The following OSBP2 variants were observed in gnomAD, a reference collection of about 807,000 sequenced individuals.
OSBP2 encodes the protein oxysterol-binding protein 2.
Under a neutral mutation model 96.0 loss-of-function variants are expected in OSBP2, and 66 were observed. The observed-to-expected ratio is 0.69, with a 90% CI of 0.56 to 0.84. The LOEUF is 0.84. Among genes scored for constraint, OSBP2 ranks in the 40% least tolerant of loss-of-function variants. The pLI is 0.00. For missense variants in OSBP2, 1,038 were observed against 1,222.7 expected (o/e 0.85, Z 2.25); for synonymous variants, 525 against 520.9 (o/e 1.01, Z -0.11).
intron 12 of OSBP2, among the ~76,000 whole-genome samples, chr22:30,899,961 T>C (rs937559570): frequency 6.6e-6 from 1 of 152,194 alleles, no homozygotes; most frequent in Non-Finnish European, 1.5e-5. Flanking sequence ...AAATGCAATT[T>C]AAGATAAGAC....
In OSBP2 at chr22:30,871,143, G is replaced by T. The variant is rs928133924; in HGVS notation, c.1107+461G>T. On this transcript the variant is annotated intron_variant, in intron 3 of 13. Transcript: ENST00000332585. This position sits in a 1 kb window ranked among gnomAD's most constrained non-coding sequence, Gnocchi z 4.7. Reference sequence around the variant, plus strand: ...GGGGAGGGTGTGGTGGGGGGCTGCAGTCGAGGGCTCCCTGAGCTAGAAGGG... The same window carrying T: ...GGGGAGGGTGTGGTGGGGGGCTGCATTCGAGGGCTCCCTGAGCTAGAAGGG... 6.6e-6 allele frequency among the ~76,000 whole-genome samples: 1 copy of T among 152,156 alleles called. No homozygotes were observed. Among genetic ancestry groups the T allele is most frequent in the African/African-American group, 2.4e-5 (1 of 41,422 alleles).
chr22:30,695,084 G>A lies in OSBP2; in HGVS notation c.175G>A (p.Glu59Lys). 6.3e-7 allele frequency: 1 copy of A among 1,579,346 alleles called. No homozygotes were observed. The highest frequency in any genetic ancestry group is 8.6e-7 in the Non-Finnish European group (1 of 1,162,686). Residue 59 changes from glutamate (E) to lysine (K), a missense_variant, in exon 1 of 14, where the codon GAA becomes AAA. Physicochemically the swap from Glu to Lys is moderately conservative, Grantham distance 56. This residue lies in a region of OSBP2 where 281 missense variants were observed against 273.4 expected (regional missense o/e 1.03). Transcript: ENST00000332585. ...EPKPQPQPVP[E>K]PERGPLSEQV... ...CAAGCCCCAGCCCCAGCCCGTGCCC[G>A]AACCGGAGCGGGGACCGCTGTCAGA...
At chr22:30,694,110 C>T (rs1412498428), upstream of OSBP2, 1 of 1,547,716 alleles carries the variant, frequency 6.5e-7, no homozygotes, top group East Asian at 2.4e-5. Context: ...TGCCAGCCTA[C>T]CCAGGGATCC....
chr22:30,804,757 TA>T (rs1184954182), intron 2 of OSBP2, among the ~76,000 whole-genome samples: 1 of 152,222 alleles, frequency 6.6e-6, no homozygotes, highest in Non-Finnish European at 1.5e-5. Context: ...ATAAACACTT[TA>T]TATTTTGGCC....
At chr22:30,899,661 G>A (rs1001903515) in intron 12 of OSBP2, among the ~76,000 whole-genome samples, 1 of 151,884 alleles carries the variant, frequency 6.6e-6, no homozygotes, top group Non-Finnish European at 1.5e-5. Flanking sequence ...TACCAAATTA[G>A]GCTAAACTAG....
intron 1 of OSBP2, among the ~76,000 whole-genome samples, chr22:30,712,699 CT>C (rs2089373429): frequency 6.6e-6 from 1 of 152,164 alleles, no homozygotes; most frequent in African/African-American, 2.4e-5. Context: ...AGTGTAGTTG[CT>C]TTGTCTAAGG....
At chr22:30,825,708 G>T (rs994369725) in intron 2 of OSBP2, among the ~76,000 whole-genome samples, 20 of 152,202 alleles carry the variant, frequency 1.3e-4, no homozygotes, top group African/African-American at 4.8e-4. Context: ...TGAACCCCAT[G>T]CCCTGGCATG....
intron 1 of OSBP2, among the ~76,000 whole-genome samples, chr22:30,730,934 G>C (rs2145723450): frequency 6.7e-6 from 1 of 150,134 alleles, no homozygotes; most frequent in Admixed American, 6.7e-5. Flanking sequence ...CAGCACTTTG[G>C]GTGGCCGAGG....
At chr22:30,716,851 C>G (rs1379310290) in intron 1 of OSBP2, among the ~76,000 whole-genome samples, 1 of 152,150 alleles carries the variant, frequency 6.6e-6, no homozygotes. Flanking sequence ...ATATTTTCTC[C>G]TATTCCATAA....
intron 2 of OSBP2, among the ~76,000 whole-genome samples, chr22:30,778,333 A>ACACACACACACC (rs528319552): frequency 1.3e-5 from 2 of 148,800 alleles, no homozygotes; most frequent in Non-Finnish European, 1.5e-5. Context: ...ACACACACAC[A>ACACACACACACC]CCCACTGACA....
chr22:30,878,690 G>A (rs562322508), intron 3 of OSBP2, among the ~76,000 whole-genome samples: 5 of 152,132 alleles, frequency 3.3e-5, no homozygotes, highest in Non-Finnish European at 7.4e-5. Context: ...GAGAGATGCC[G>A]CACTCTTGGT....
chr22:30,879,174 G>T (rs928952962), intron 3 of OSBP2, among the ~76,000 whole-genome samples: 5 of 152,242 alleles, frequency 3.3e-5, no homozygotes, highest in African/African-American at 1.2e-4. Flanking sequence ...AGGCAGGGGT[G>T]AGAGGCCCGG....
chr22:30,880,118 A>C (rs1215073289), intron 3 of OSBP2, among the ~76,000 whole-genome samples: 1 of 151,830 alleles, frequency 6.6e-6, no homozygotes, highest in Non-Finnish European at 1.5e-5. Context: ...CTGTTACTCC[A>C]GTGAGTCCCC....
intron 3 of OSBP2, chr22:30,872,349 C>T (rs554349410): frequency 9.2e-5 from 42 of 456,624 alleles, no homozygotes; most frequent in African/African-American, 3.2e-4. Flanking sequence ...CCTCCCTACC[C>T]GAGACCAAAA....
At chr22:30,779,836 G>T (rs750128098) in intron 2 of OSBP2, among the ~76,000 whole-genome samples, 3 of 152,174 alleles carry the variant, frequency 2.0e-5, no homozygotes, top group Non-Finnish European at 4.4e-5. Context: ...GGCCCTTTTG[G>T]TGGCTGGGTG....
rs1396553606 is a variant in OSBP2, at chr22:30,839,172, A to G, written c.854-31257A>G. Among the ~76,000 whole-genome samples the G allele has an allele frequency of 3.5e-5, 5 of 144,774 alleles. 1 individual carries two copies. The highest frequency in any genetic ancestry group is 7.6e-5 in the Non-Finnish European group (5 of 65,928). The allele number at this position is 144,774 out of a possible 152,430, so 95.0% of individuals were successfully genotyped here. ...TTTCATCCATGTCCCTACAAAGGAC[A>G]TGAACTCATCATTTTTTATGGCTGC... On this transcript the variant is annotated intron_variant, in intron 2 of 13. Transcript: ENST00000332585.
intron 2 of OSBP2, among the ~76,000 whole-genome samples, chr22:30,809,643 C>T (rs1172365044): frequency 1.3e-5 from 2 of 152,126 alleles, no homozygotes; most frequent in African/African-American, 2.4e-5. Flanking sequence ...CAAAGGACTT[C>T]GAACTTGAAC....
At chr22:30,699,125 AG>A (rs1021969368) in intron 1 of OSBP2, among the ~76,000 whole-genome samples, 1 of 151,840 alleles carries the variant, frequency 6.6e-6, no homozygotes, top group African/African-American at 2.4e-5. Context: ...GTGTGTTTTT[AG>A]TAGACACAAG....
In OSBP2 at chr22:30,881,482, C is replaced by CCACTG. The variant is rs2039701364; in HGVS notation, c.1108-5943_1108-5942insACTGC. ...GGGGGCTTCAGGTCAGCCCGTCTCT[C>CCACTG]CTCCTGCTCACAGCTGAGCACGAGT... is the stretch of plus-strand genomic sequence containing the variant. On this transcript the variant is annotated intron_variant, in intron 3 of 13. Coordinates refer to ENST00000332585, the MANE Select transcript of OSBP2 (RefSeq NM_030758.4). This position sits in a 1 kb window ranked among gnomAD's most constrained non-coding sequence, Gnocchi z 4.5. 2.6e-5 allele frequency among the ~76,000 whole-genome samples: 4 copies of CCACTG among 152,092 alleles called. No individual in the cohort carries two copies. Among genetic ancestry groups the CCACTG allele is most frequent in the Non-Finnish European group, 4.4e-5 (3 of 67,972 alleles).
Sources: gnomAD v4.1 joint callset for allele counts (sites outside exome capture counted in the v4.1 genomes callset) on GRCh38, gnomAD v4.1.1 for gene constraint, gnomAD v4.1.1 regional missense constraint, Gnocchi (gnomAD v3.1) non-coding constraint, MANE v1.5 for transcripts, NCBI Gene and HGNC (gene_info 2026-07-23, HGNC 2026-07-21) for gene names.